PDE10A: variants seen among roughly 807,000 people sequenced by gnomAD.
PDE10A encodes the protein phosphodiesterase 10A, also known as cAMP and cAMP-inhibited cGMP 3',5'-cyclic phosphodiesterase 10A.
Under a neutral mutation model 97.7 loss-of-function variants are expected in PDE10A, and 39 were observed. The ratio of observed to expected loss-of-function variants is 0.40; its 90% CI spans 0.31 to 0.52. The LOEUF (loss-of-function observed/expected upper bound fraction) is 0.52, where lower values mean the gene tolerates loss of function less well. Ranked by LOEUF, PDE10A falls within the 20% of genes least tolerant of loss-of-function variation. PDE10A has a pLI of 0.56. For synonymous variants in PDE10A, 371 were observed against 376.8 expected, an observed-to-expected ratio of 0.98 and a Z score of 0.18; for missense variants, 731 against 1,047.8, an observed-to-expected ratio of 0.70 and a Z score of 4.17.
intron 1 of PDE10A, among the ~76,000 whole-genome samples, chr6:165,561,857 C>T (rs1283649883): frequency 1.3e-5 from 2 of 152,300 alleles, no homozygotes; most frequent in African/African-American, 4.8e-5. Context: ...TAAAGAACTA[C>T]AGAGCTATCA....
At chr6:165,784,161 A>T (rs1778424700) in intron 1 of PDE10A, among the ~76,000 whole-genome samples, 1 of 151,806 alleles carries the variant, frequency 6.6e-6, no homozygotes, top group Non-Finnish European at 1.5e-5. Context: ...GGGAGGTTGC[A>T]GTGAGCCAAG....
In PDE10A at chr6:165,405,904, AG is replaced by A. The variant is rs574006576; in HGVS notation, c.2076+7596del. Among the ~76,000 whole-genome samples the A allele has an allele frequency of 1.9e-3, 293 of 152,308 alleles. 1 individual carries two copies. The highest frequency in any genetic ancestry group is 0.01 in the Middle Eastern group (3 of 294). On this transcript the variant is annotated intron_variant, in intron 13 of 21. Coordinates refer to ENST00000539869, the MANE Select transcript of PDE10A (RefSeq NM_001385079.1). ...GAAAATTGTCCTGTAGTCTGTGCCA[AG>A]GAATATTTCAAATATATAAACACAG...
chr6:165,401,413 A>C (rs1583201073), intron 13 of PDE10A, among the ~76,000 whole-genome samples: 1 of 152,188 alleles, frequency 6.6e-6, no homozygotes, highest in Non-Finnish European at 1.5e-5. Flanking sequence ...ATTTCTCTGA[A>C]TATATCTTCT....
exon 1 of PDE10A, chr6:165,987,820 C>G (rs1387043899): frequency 2.3e-6 from 1 of 426,086 alleles, no homozygotes; most frequent in South Asian, 1.7e-5. Context: ...GTGTGGGGTT[C>G]CTCCTTCCCT....
At chr6:165,613,239 G>A (rs1787578293) in intron 1 of PDE10A, among the ~76,000 whole-genome samples, 1 of 152,014 alleles carries the variant, frequency 6.6e-6, no homozygotes, top group Non-Finnish European at 1.5e-5. Context: ...TTTTTTTAAT[G>A]TATCACATTC....
At chr6:165,905,011 T>G (rs997991518) in intron 1 of PDE10A, among the ~76,000 whole-genome samples, 5 of 152,234 alleles carry the variant, frequency 3.3e-5, no homozygotes, top group African/African-American at 1.2e-4. Flanking sequence ...ATGTCTTTCA[T>G]TATTTAGTCA....
intron 1 of PDE10A, among the ~76,000 whole-genome samples, chr6:165,630,994 A>C (rs1218536112): frequency 6.6e-6 from 1 of 152,222 alleles, no homozygotes; most frequent in Non-Finnish European, 1.5e-5. Context: ...TTTTATTTTA[A>C]CAATAAACTA....
At chr6:165,620,427 T>C (rs376051783) in intron 1 of PDE10A, among the ~76,000 whole-genome samples, 13 of 152,296 alleles carry the variant, frequency 8.5e-5, no homozygotes, top group African/African-American at 3.1e-4. Flanking sequence ...AGCCTTGCAC[T>C]TAGAGAGGCT....
chr6:165,471,410 A>G (rs1049057560), intron 3 of PDE10A, among the ~76,000 whole-genome samples: 1 of 152,104 alleles, frequency 6.6e-6, no homozygotes, highest in Non-Finnish European at 1.5e-5. Flanking sequence ...ATTACTAATG[A>G]TCTCAAATTT....
At chr6:165,772,348 C>T (rs1407937214) in intron 1 of PDE10A, among the ~76,000 whole-genome samples, 1 of 152,142 alleles carries the variant, frequency 6.6e-6, no homozygotes, top group Non-Finnish European at 1.5e-5. Flanking sequence ...ATTCTTAGGG[C>T]TTATAAAGTC....
chr6:165,384,631 A>AGTGT (rs57175607), intron 17 of PDE10A, among the ~76,000 whole-genome samples: 3,178 of 66,916 alleles, frequency 0.047, 94 homozygotes, highest in African/African-American at 0.12. Flanking sequence ...TGTGTGAGTG[A>AGTGT]GTGTGTGTGT....
At chr6:165,625,198 C>G (rs574553602) in intron 1 of PDE10A, among the ~76,000 whole-genome samples, 31 of 152,342 alleles carry the variant, frequency 2.0e-4, no homozygotes, top group African/African-American at 6.7e-4. Flanking sequence ...AGAAGTGAGA[C>G]AGCTGACTGG....
chr6:165,934,843 T>C (rs1427368128), intron 1 of PDE10A, among the ~76,000 whole-genome samples: 1 of 152,264 alleles, frequency 6.6e-6, no homozygotes, highest in Non-Finnish European at 1.5e-5. Context: ...AGAAACATTT[T>C]CATACACATT....
chr6:165,869,237 C>T (rs1781134976), intron 1 of PDE10A, among the ~76,000 whole-genome samples: 1 of 151,676 alleles, frequency 6.6e-6, no homozygotes, highest in Non-Finnish European at 1.5e-5. Context: ...CTGACATATT[C>T]GGTAAAGTTG....
At chr6:165,607,376 A>C (rs1787262001) in intron 1 of PDE10A, among the ~76,000 whole-genome samples, 1 of 152,220 alleles carries the variant, frequency 6.6e-6, no homozygotes, top group Admixed American at 6.5e-5. Flanking sequence ...TAGCCTTCCT[A>C]ATGGTATAGC....
intron 1 of PDE10A, among the ~76,000 whole-genome samples, chr6:165,966,885 T>C (rs1259322321): frequency 6.7e-6 from 1 of 149,386 alleles, no homozygotes; most frequent in Non-Finnish European, 1.5e-5. Flanking sequence ...AAATAAAATA[T>C]AAAATAAATA....
At chr6:165,909,819 C>G (rs1319801210) in intron 1 of PDE10A, among the ~76,000 whole-genome samples, 4 of 152,048 alleles carry the variant, frequency 2.6e-5, no homozygotes, top group Non-Finnish European at 5.9e-5. Context: ...GACAAACCTC[C>G]CCTCACTCGC....
intron 1 of PDE10A, among the ~76,000 whole-genome samples, chr6:165,733,047 T>G (rs1375092216): frequency 1.3e-5 from 2 of 152,226 alleles, no homozygotes; most frequent in African/African-American, 4.8e-5. Flanking sequence ...CCAAAGGTTC[T>G]CATTGCCAGC....
chr6:165,577,735 A>G (rs887919157), intron 1 of PDE10A, among the ~76,000 whole-genome samples: 44 of 152,306 alleles, frequency 2.9e-4, no homozygotes, highest in African/African-American at 9.9e-4. Context: ...CAGCAGCCAC[A>G]GCGAAGGTGG....
Sources: allele counts gnomAD v4.1 joint callset (sites outside exome capture counted in the v4.1 genomes callset), GRCh38; gene constraint gnomAD v4.1.1; transcripts MANE v1.5; gene names NCBI Gene and HGNC (gene_info 2026-07-23, HGNC 2026-07-21).